The following SLC29A3 variants were observed in gnomAD, a reference collection of about 807,000 sequenced individuals.
SLC29A3 encodes solute carrier family 29 member 3, also known as equilibrative nucleoside transporter 3.
A neutral mutation model predicts 25.4 loss-of-function variants in SLC29A3; 18 were observed. The ratio of observed to expected loss-of-function variants is 0.71; its 90% CI spans 0.49 to 1.05. The LOEUF (loss-of-function observed/expected upper bound fraction) is 1.05. Ranked by LOEUF, SLC29A3 falls within the 50% of genes least tolerant of loss-of-function variation. The pLI is 0.00. For missense variants in SLC29A3, 586 were observed against 609.0 expected, an observed-to-expected ratio of 0.96 and a Z score of 0.40; for synonymous variants, 258 against 267.1, an observed-to-expected ratio of 0.97 and a Z score of 0.33.
intron 1 of SLC29A3, 46 bp from the exon 2 acceptor site, chr10:71,322,710 T>C (rs948073288): frequency 6.2e-7 from 1 of 1,612,166 alleles, no homozygotes; most frequent in Non-Finnish European, 8.5e-7. Context: ...CCAGCCTTGG[T>C]TTCTACTCAC....
intron 3 of SLC29A3, among the ~76,000 whole-genome samples, chr10:71,351,023 G>A (rs1846742283): frequency 6.6e-6 from 1 of 152,242 alleles, no homozygotes; most frequent in African/African-American, 2.4e-5. Context: ...CGACGATGAT[G>A]ATGAAGATGA....
intron 4 of SLC29A3, among the ~76,000 whole-genome samples, chr10:71,354,946 A>G (rs1030020415): frequency 2.6e-5 from 4 of 152,234 alleles, no homozygotes; most frequent in Admixed American, 6.5e-5. Flanking sequence ...TTCCCAAGCA[A>G]TGCTGCACAC....
intron 3 of SLC29A3, among the ~76,000 whole-genome samples, chr10:71,348,100 A>C (rs1846642568): frequency 6.6e-6 from 1 of 152,212 alleles, no homozygotes; most frequent in Admixed American, 6.5e-5. Flanking sequence ...TCAGACCAGC[A>C]TGAAACCTCC....
chr10:71,332,220 C>T (rs1846137342), intron 2 of SLC29A3, among the ~76,000 whole-genome samples: 1 of 144,564 alleles, frequency 6.9e-6, no homozygotes, highest in South Asian at 2.1e-4. Context: ...GCGATCTTGG[C>T]TCCTGGGTTC....
chr10:71,332,238 C>G (rs2131809405), intron 2 of SLC29A3, among the ~76,000 whole-genome samples: 1 of 150,054 alleles, frequency 6.7e-6, no homozygotes, highest in East Asian at 2.0e-4. Flanking sequence ...TTCACTCTGC[C>G]TCCCGGGTTC....
intron 4 of SLC29A3, among the ~76,000 whole-genome samples, chr10:71,377,425 A>C (rs553689443): frequency 6.6e-6 from 1 of 152,170 alleles, no homozygotes. Context: ...CAGGGACTGG[A>C]CCGCCCCCGC....
chr10:71,377,141 A>T (rs7907117), intron 4 of SLC29A3, among the ~76,000 whole-genome samples: 2 of 151,960 alleles, frequency 1.3e-5, no homozygotes, highest in Non-Finnish European at 2.9e-5. Flanking sequence ...ATAGGTCCCG[A>T]AGTGCTCAGA....
chr10:71,366,859 G>A (rs1051521826), downstream of SLC29A3, among the ~76,000 whole-genome samples: 7 of 152,184 alleles, frequency 4.6e-5, no homozygotes, highest in African/African-American at 1.2e-4. Flanking sequence ...GGAGTACCTC[G>A]TGCCTATTCT....
At chr10:71,343,574 CAG>C (rs1383762644) in intron 2 of SLC29A3, among the ~76,000 whole-genome samples, 1 of 152,190 alleles carries the variant, frequency 6.6e-6, no homozygotes, top group Non-Finnish European at 1.5e-5. Context: ...AGAGTGAGAA[CAG>C]AGTTTCCCTG....
chr10:71,323,961 G>T (rs1718841913), intron 2 of SLC29A3, among the ~76,000 whole-genome samples: 1 of 152,196 alleles, frequency 6.6e-6, no homozygotes, highest in South Asian at 2.1e-4. Context: ...AGTCAATTTT[G>T]TTTAGTTGAC....
intron 2 of SLC29A3, among the ~76,000 whole-genome samples, chr10:71,325,540 C>G (rs1177425431): frequency 2.0e-5 from 3 of 152,202 alleles, no homozygotes; most frequent in African/African-American, 7.2e-5. Context: ...TTCCACACTC[C>G]TGTACTCCAC....
rs749176370 is a variant in SLC29A3, at chr10:71,356,241, C to T, written c.771C>T (p.Ala257=). 1.9e-6 allele frequency: 3 copies of T among 1,613,374 alleles called. No homozygotes were observed. In the South Asian group the frequency reaches 3.3e-5, roughly 18 times the overall value. Residue 257 remains alanine, a splice_region_variant and synonymous_variant, in exon 5 of 6, where the codon GCC becomes GCT. Coordinates refer to ENST00000373189, the MANE Select transcript of SLC29A3 (RefSeq NM_018344.6). ...LYLLLSRLEY[A]RYYMRPVLAA... ...TGCTGCTGTCCAGGCTGGAGTATGC[C>T]AGGTGAAGGTGCCACTCACTGTCCA...
intron 3 of SLC29A3, among the ~76,000 whole-genome samples, chr10:71,369,374 A>C (rs1002759746): frequency 6.6e-6 from 1 of 152,214 alleles, no homozygotes; most frequent in South Asian, 2.1e-4. Context: ...GTGATGAAAC[A>C]AGATGTTTAG....
intron 3 of SLC29A3, among the ~76,000 whole-genome samples, chr10:71,346,377 T>G (rs984617230): frequency 5.9e-5 from 9 of 151,902 alleles, no homozygotes; most frequent in Non-Finnish European, 1.2e-4. Flanking sequence ...CTCATGGAGG[T>G]GACTGGCCCA....
intron 2 of SLC29A3, among the ~76,000 whole-genome samples, chr10:71,335,090 C>T (rs1846213053): frequency 6.6e-6 from 1 of 151,856 alleles, no homozygotes; most frequent in South Asian, 2.1e-4. Flanking sequence ...AACTGCCTTT[C>T]ACCTTTAGTG....
intron 3 of SLC29A3, among the ~76,000 whole-genome samples, chr10:71,349,279 C>T (rs1282377710): frequency 6.6e-6 from 1 of 152,130 alleles, no homozygotes. Context: ...CACCTTTAGG[C>T]ATCTTTGGAT....
At chr10:71,358,662 G>T (rs1846978204) in intron 5 of SLC29A3, among the ~76,000 whole-genome samples, 2 of 152,242 alleles carry the variant, frequency 1.3e-5, no homozygotes, top group South Asian at 4.1e-4. Flanking sequence ...GTTTGCTCGT[G>T]TCCTGTTTCT....
At chr10:71,321,087 G>A (rs1845836893) in intron 1 of SLC29A3, among the ~76,000 whole-genome samples, 2 of 152,234 alleles carry the variant, frequency 1.3e-5, no homozygotes, top group African/African-American at 2.4e-5. Flanking sequence ...TCAGCCTCAA[G>A]TGTGACCTCT....
At chr10:71,323,838 G>A (rs756160941) in intron 2 of SLC29A3, among the ~76,000 whole-genome samples, 36 of 152,344 alleles carry the variant, frequency 2.4e-4, no homozygotes, top group Non-Finnish European at 4.6e-4. Context: ...GGCAACGGCA[G>A]AATGGGAGGA....
Sources: gnomAD v4.1 joint callset for allele counts (sites outside exome capture counted in the v4.1 genomes callset) on GRCh38, gnomAD v4.1.1 for gene constraint, MANE v1.5 for transcripts, NCBI Gene and HGNC (gene_info 2026-07-23, HGNC 2026-07-21) for gene names.